The following ORC2 variants were observed in gnomAD, a reference collection of about 807,000 sequenced individuals.
ORC2 encodes origin recognition complex protein 2 homolog.
In ORC2, 37 loss-of-function variants were observed where a neutral mutation model predicts 77.7. That is an observed-to-expected ratio of 0.48 (90% CI 0.37 to 0.63). The LOEUF (loss-of-function observed/expected upper bound fraction) is 0.63. Among genes scored for constraint, ORC2 ranks in the 20% least tolerant of loss-of-function variants. The pLI, the probability that ORC2 is intolerant of heterozygous loss-of-function variation, is 0.00. For missense variants in ORC2, 557 were observed against 661.9 expected, an observed-to-expected ratio of 0.84 and a Z score of 1.74; for synonymous variants, 201 against 229.5, an observed-to-expected ratio of 0.88 and a Z score of 1.12.
At chr2:200,933,609 A>G (rs908329221) in intron 10 of ORC2, among the ~76,000 whole-genome samples, 7 of 152,162 alleles carry the variant, frequency 4.6e-5, no homozygotes, top group African/African-American at 1.4e-4. Flanking sequence ...AGGTCTCCCT[A>G]TATTGCCCAG....
chr2:200,917,601 C>A (rs1392413241), intron 15 of ORC2, among the ~76,000 whole-genome samples: 1 of 152,158 alleles, frequency 6.6e-6, no homozygotes, highest in Non-Finnish European at 1.5e-5. Flanking sequence ...TACAAGGCTA[C>A]AAGTGACAAA....
chr2:200,912,888 T>G (rs904659486), intron 17 of ORC2, among the ~76,000 whole-genome samples: 1 of 152,196 alleles, frequency 6.6e-6, no homozygotes, highest in African/African-American at 2.4e-5. Context: ...AATGTCCATC[T>G]CCCCCATTAG....
intron 17 of ORC2, among the ~76,000 whole-genome samples, chr2:200,912,522 C>G (rs1353015441): frequency 6.6e-6 from 1 of 152,116 alleles, no homozygotes; most frequent in Non-Finnish European, 1.5e-5. Context: ...CTCAAGTGAT[C>G]CTCCCACCTC....
At chr2:200,934,020 G>C in intron 9 of ORC2, 46 bp from the exon 10 acceptor site, 1 of 920,402 alleles carries the variant, frequency 1.1e-6, no homozygotes, top group Non-Finnish European at 1.7e-6. Context: ...TCAAATATCT[G>C]TCTCATATCA....
chr2:200,928,211 C>T (rs2040876812), intron 11 of ORC2, among the ~76,000 whole-genome samples: 1 of 151,720 alleles, frequency 6.6e-6, no homozygotes, highest in African/African-American at 2.4e-5. Flanking sequence ...CAAAAATTGG[C>T]TGGGCATGGT....
chr2:200,950,640 T>C (rs989730256), intron 4 of ORC2, among the ~76,000 whole-genome samples: 6 of 152,364 alleles, frequency 3.9e-5, no homozygotes, highest in Admixed American at 1.3e-4. Flanking sequence ...AAAATCCAGT[T>C]GCCTTCAATG....
intron 4 of ORC2, among the ~76,000 whole-genome samples, chr2:200,950,349 C>T (rs1369913746): frequency 6.6e-6 from 1 of 151,950 alleles, no homozygotes; most frequent in African/African-American, 2.4e-5. Context: ...GCTTTCTTCA[C>T]AGATCCTGAC....
At chr2:200,924,124 A>C (rs890068983) in intron 13 of ORC2, among the ~76,000 whole-genome samples, 4 of 152,146 alleles carry the variant, frequency 2.6e-5, no homozygotes, top group Admixed American at 6.6e-5. Context: ...AGGCAGGAGT[A>C]TCCCTTGAGG....
intron 9 of ORC2, among the ~76,000 whole-genome samples, chr2:200,935,068 A>G (rs1284091053): frequency 6.6e-6 from 1 of 152,142 alleles, no homozygotes; most frequent in Non-Finnish European, 1.5e-5. Context: ...TATTTACTTA[A>G]AAGTTCATTT....
rs931932719 is a variant in ORC2 at position 200,911,308 on chromosome 2, T to G, written c.1727A>C (p.Glu576Ala). 1 of 1,600,208 alleles carries G rather than the reference T, an allele frequency of 6.2e-7. No homozygotes were observed. The highest frequency in any genetic ancestry group is 8.6e-7 in the Non-Finnish European group (1 of 1,167,460). ...CAAGAATAAAGGAAAGCTTCAAGCC[T>G]CCTCTTCTTCCTTTTCCAAGAAATC... ...LTDFLEKEEE[E>A]A is the part of the protein sequence containing the mutation. The change falls in exon 18 of 18, where the codon GAG becomes GCG. Residue 576 changes from glutamate to alanine, a missense_variant. Physicochemically the swap from Glu to Ala is moderately radical, Grantham distance 107. Coordinates refer to ENST00000234296, the MANE Select transcript of ORC2 (RefSeq NM_006190.5).
intron 15 of ORC2, among the ~76,000 whole-genome samples, chr2:200,914,763 A>G (rs548616720): frequency 1.3e-5 from 2 of 152,226 alleles, no homozygotes; most frequent in South Asian, 4.1e-4. Context: ...AAAATATGAA[A>G]GTATTTTTTT....
chr2:200,953,440 G>C (rs533087478), intron 4 of ORC2, among the ~76,000 whole-genome samples: 2 of 150,574 alleles, frequency 1.3e-5, no homozygotes, highest in Non-Finnish European at 2.9e-5. Context: ...AAAGGAAATA[G>C]GTGTTGGTAA....
At chr2:200,923,558 A>C (rs954034087) in intron 13 of ORC2, among the ~76,000 whole-genome samples, 1 of 152,062 alleles carries the variant, frequency 6.6e-6, no homozygotes, top group Non-Finnish European at 1.5e-5. Flanking sequence ...CTTAAGGGCA[A>C]CTTTATTTTT....
intron 13 of ORC2, among the ~76,000 whole-genome samples, chr2:200,923,715 A>G (rs1228754788): frequency 6.6e-6 from 1 of 152,124 alleles, no homozygotes; most frequent in Non-Finnish European, 1.5e-5. Flanking sequence ...GCATTTTAAC[A>G]CTATGCTTGC....
At chr2:200,924,915 C>T (rs148850748) in intron 13 of ORC2, among the ~76,000 whole-genome samples, 1,714 of 152,144 alleles carry the variant, frequency 0.011, 16 homozygotes, top group Non-Finnish European at 0.017. Flanking sequence ...TGTGCCACCA[C>T]GCCTGGCTAA....
intron 4 of ORC2, among the ~76,000 whole-genome samples, chr2:200,952,812 T>TAAAAA (rs562917701): frequency 1.4e-5 from 2 of 138,894 alleles, no homozygotes; most frequent in East Asian, 4.1e-4. Flanking sequence ...GCTTAAAAAT[T>TAAAAA]AAAAAAAAAA....
Position 200,963,473 on chromosome 2 carries a change from G to A in ORC2, c.-60+17C>T. ...GCAGAAAAGGGAGGCAGGCTGCCCCGACACCCCACTACTCACCGCTAGGTT... is the reference window on the plus strand; with the variant it reads ...GCAGAAAAGGGAGGCAGGCTGCCCCAACACCCCACTACTCACCGCTAGGTT... On this transcript the variant is annotated intron_variant, in intron 1 of 17. Transcript: ENST00000234296. The A allele has an allele frequency of 2.5e-6, 1 of 398,642 alleles. No homozygotes were observed. Among genetic ancestry groups the A allele is most frequent in the Non-Finnish European group, 4.4e-6 (1 of 226,090 alleles). The allele number at this position is 398,642 out of a possible 1,614,324, so 24.7% of individuals were successfully genotyped here. A position where few individuals can be genotyped will look rare whatever the true frequency, so the allele number is the denominator to read the frequency against.
In ORC2 at chr2:200,937,964, G is replaced by T. The variant is rs751552014; in HGVS notation, c.456C>A (p.Asn152Lys). 9 of 1,588,638 alleles carry T rather than the reference G, an allele frequency of 5.7e-6. No individual in the cohort carries two copies. The highest frequency in any genetic ancestry group is 1.3e-5 in the African/African-American group (1 of 74,282). Residue 152 changes from asparagine (N) to lysine (K), a missense_variant and splice_region_variant, in exon 8 of 18, where the codon AAC (asparagine) becomes AAA (lysine). Transcript: ENST00000234296. ...HSASDKVQPKNNDKSEFLSTA... is the reference protein window; with the variant it reads ...HSASDKVQPKKNDKSEFLSTA... ...TTGACAGAAATTCACTTTTGTCATT[G>T]TTCTGTTTAGAAATAGAAAAAGCAT... is the stretch of plus-strand genomic sequence containing the variant.
At chr2:200,925,056 A>C (rs2040820414) in intron 13 of ORC2, among the ~76,000 whole-genome samples, 1 of 152,136 alleles carries the variant, frequency 6.6e-6, no homozygotes, top group Non-Finnish European at 1.5e-5. Context: ...CACTGCGCCC[A>C]GCCAAGAAAT....
Sources: allele counts gnomAD v4.1 joint callset (sites outside exome capture counted in the v4.1 genomes callset), GRCh38; gene constraint gnomAD v4.1.1; transcripts MANE v1.5; gene names NCBI Gene and HGNC (gene_info 2026-07-23, HGNC 2026-07-21).